Variants in GSKIP observed in about 807,000 individuals in gnomAD.
GSKIP encodes GSK3B interacting protein.
In GSKIP, 5 loss-of-function variants were observed where a neutral mutation model predicts 11.9. The ratio of observed to expected loss-of-function variants is 0.42; its 90% CI spans 0.22 to 0.89. GSKIP has a LOEUF of 0.89. Ranked by LOEUF, GSKIP falls within the 40% of genes least tolerant of loss-of-function variation. The pLI, the probability that GSKIP is intolerant of heterozygous loss-of-function variation, is 0.29. For synonymous variants in GSKIP, 70 were observed against 62.9 expected (o/e 1.11, Z -0.54); for missense variants, 150 against 166.6 (o/e 0.90, Z 0.55).
intron 1 of GSKIP, 191 bp downstream of exon 1, chr14:96,363,759 G>T (rs1300016629): frequency 1.3e-5 from 2 of 152,448 alleles, no homozygotes; most frequent in East Asian, 1.9e-4. Context: ...GGTCTGGCCG[G>T]CCTGGCTCTC....
chr14:96,374,733 CTT>C (rs1039199596), intron 1 of GSKIP, among the ~76,000 whole-genome samples: 1 of 152,092 alleles, frequency 6.6e-6, no homozygotes, highest in African/African-American at 2.4e-5. Context: ...GCAAAAACAT[CTT>C]TCACAAATGA....
intron 2 of GSKIP, among the ~76,000 whole-genome samples, chr14:96,382,007 A>G (rs907594355): frequency 6.6e-6 from 1 of 152,224 alleles, no homozygotes; most frequent in Admixed American, 6.5e-5. Context: ...CAATATGGAA[A>G]TTGACCTGTT....
intron 1 of GSKIP, among the ~76,000 whole-genome samples, chr14:96,371,639 G>T (rs1171645111): frequency 6.6e-6 from 1 of 151,954 alleles, no homozygotes; most frequent in African/African-American, 2.4e-5. Flanking sequence ...TAGAGATGGG[G>T]TTTCGCCATG....
chr14:96,364,686 T>TA (rs1888818080), intron 1 of GSKIP: 1 of 152,332 alleles, frequency 6.6e-6, no homozygotes, highest in Admixed American at 6.5e-5. Flanking sequence ...CTCAGTAACT[T>TA]AGATTCCCTT....
Position 96,363,539 on chromosome 14 carries a change from G to A in GSKIP, c.-132G>A, listed in dbSNP as rs1595341867. 1 of 153,238 alleles carries A rather than the reference G, an allele frequency of 6.5e-6. No homozygotes were observed. The highest frequency in any genetic ancestry group is 2.4e-5 in the African/African-American group (1 of 41,474). The allele number at this position is 153,238 out of a possible 1,614,324, so 9.5% of individuals were successfully genotyped here. ...CCGGTCGGCTCCAGTCGCCTCCGGA[G>A]GAAGGAAGAAGAGGACGCCGGGCGC... On this transcript the variant is annotated 5_prime_UTR_variant, in exon 1 of 4. Transcript: ENST00000555181.
chr14:96,375,978 G>A (rs1443316539), intron 1 of GSKIP, among the ~76,000 whole-genome samples: 4 of 152,222 alleles, frequency 2.6e-5, no homozygotes, highest in Non-Finnish European at 5.9e-5. Flanking sequence ...TTTGGGTAGA[G>A]CACTCATGAC....
Position 96,385,703 on chromosome 14 carries a change from G to C in GSKIP, c.*19G>C, listed in dbSNP as rs989836319. On this transcript the variant is annotated 3_prime_UTR_variant, in exon 4 of 4. Coordinates refer to ENST00000555181, the MANE Select transcript of GSKIP (RefSeq NM_016472.5). Reference sequence around the variant, plus strand: ...GTCATGACTACACTTTTTCCTTTCAGAGGGGCTGGTGCTGGTACAGAATGT... The same window carrying C: ...GTCATGACTACACTTTTTCCTTTCACAGGGGCTGGTGCTGGTACAGAATGT... 2 of 1,597,852 alleles carry C rather than the reference G, an allele frequency of 1.3e-6. No homozygotes were observed. The highest frequency in any genetic ancestry group is 1.7e-6 in the Non-Finnish European group (2 of 1,171,972).
intron 3 of GSKIP, among the ~76,000 whole-genome samples, chr14:96,384,079 G>A (rs1378942860): frequency 6.6e-6 from 1 of 152,092 alleles, no homozygotes; most frequent in Non-Finnish European, 1.5e-5. Flanking sequence ...ACGATTTGGG[G>A]AATGATTATA....
rs1440069871 is a variant in GSKIP, at chr14:96,386,945, T to A, written c.*1261T>A. The A allele has an allele frequency of 6.6e-6, 1 of 152,426 alleles. No homozygotes were observed. Among genetic ancestry groups the A allele is most frequent in the African/African-American group, 2.4e-5 (1 of 41,466 alleles). The allele number at this position is 152,426 out of a possible 1,614,324, so 9.4% of individuals were successfully genotyped here. ...CCTTCATGCATTTATCATTTGCAGA[T>A]ATTTTTCCATCATTATTAAAAAACA... is the stretch of plus-strand genomic sequence containing the variant. On this transcript the variant is annotated 3_prime_UTR_variant, in exon 4 of 4. Coordinates refer to ENST00000555181, the MANE Select transcript of GSKIP (RefSeq NM_016472.5).
intron 3 of GSKIP, among the ~76,000 whole-genome samples, chr14:96,384,282 A>G (rs955602294): frequency 1.3e-5 from 2 of 152,174 alleles, no homozygotes; most frequent in Non-Finnish European, 2.9e-5. Flanking sequence ...TAGCAGAGAT[A>G]AGAGGAAGAA....
chr14:96,381,757 AAG>A (rs930371240), intron 2 of GSKIP, among the ~76,000 whole-genome samples: 1 of 152,212 alleles, frequency 6.6e-6, no homozygotes, highest in Admixed American at 6.5e-5. Context: ...AGAGGTGAAA[AAG>A]AGTACAGTCC....
At chr14:96,367,173 T>C (rs1446562441) in intron 1 of GSKIP, among the ~76,000 whole-genome samples, 1 of 152,260 alleles carries the variant, frequency 6.6e-6, no homozygotes, top group African/African-American at 2.4e-5. Context: ...CTAAGCACTT[T>C]CCATGTATTC....
intron 2 of GSKIP, among the ~76,000 whole-genome samples, chr14:96,380,618 G>C (rs1232004608): frequency 6.6e-6 from 1 of 152,138 alleles, no homozygotes; most frequent in African/African-American, 2.4e-5. Flanking sequence ...ACACAAATAG[G>C]GCATAACTTG....
At position 96,385,460 on chromosome 14, in the gene GSKIP, T is replaced by G. The variant is rs1889463905; in HGVS notation, c.259-63T>G. On this transcript the variant is annotated intron_variant, in intron 3 of 3. Coordinates refer to ENST00000555181, the MANE Select transcript of GSKIP (RefSeq NM_016472.5). ...AAAGGATGATTACTCACATAAACACTTGGATTTTGCTTTCTGTACCAACAT... is the reference window on the plus strand; with the variant it reads ...AAAGGATGATTACTCACATAAACACGTGGATTTTGCTTTCTGTACCAACAT... 4 of 1,358,960 alleles carry G rather than the reference T, an allele frequency of 2.9e-6. No homozygotes were observed. The South Asian group carries it at 5.0e-5, about 17-fold the overall frequency. 84.2% of individuals were successfully genotyped at this position (1,358,960 alleles called of 1,614,324 possible).
intron 3 of GSKIP, among the ~76,000 whole-genome samples, chr14:96,384,394 TA>T (rs767802272): frequency 4.7e-4 from 67 of 143,500 alleles, no homozygotes; most frequent in South Asian, 1.1e-3. Flanking sequence ...GCTTTTCATT[TA>T]AAAAAAAAAA....
intron 1 of GSKIP, among the ~76,000 whole-genome samples, chr14:96,368,062 A>G (rs552474943): frequency 3.9e-5 from 6 of 152,258 alleles, no homozygotes; most frequent in African/African-American, 1.4e-4. Context: ...ATATAGAAAT[A>G]AGAAACTGTA....
At chr14:96,382,540 TTA>T in intron 3 of GSKIP, 35 bp downstream of exon 3, 1 of 1,532,760 alleles carries the variant, frequency 6.5e-7, no homozygotes, top group Non-Finnish European at 8.9e-7. Flanking sequence ...AAAAAATTAT[TTA>T]TGTCTTTACC....
At chr14:96,371,837 C>G (rs1315582243) in intron 1 of GSKIP, among the ~76,000 whole-genome samples, 1 of 152,160 alleles carries the variant, frequency 6.6e-6, no homozygotes, top group Non-Finnish European at 1.5e-5. Context: ...TAACTCAGCC[C>G]TAACCTTGTA....
chr14:96,376,818 G>A (rs780996892), intron 1 of GSKIP, among the ~76,000 whole-genome samples: 80 of 152,148 alleles, frequency 5.3e-4, no homozygotes, highest in Admixed American at 2.1e-3. Flanking sequence ...AAAAAAAGTC[G>A]GCTATGTAGG....
Sources: gnomAD v4.1 joint callset for allele counts (sites outside exome capture counted in the v4.1 genomes callset) on GRCh38, gnomAD v4.1.1 for gene constraint, MANE v1.5 for transcripts, NCBI Gene and HGNC (gene_info 2026-07-23, HGNC 2026-07-21) for gene names.